The following DDAH1 variants were observed in gnomAD, a reference collection of about 807,000 sequenced individuals.
DDAH1 encodes N(G),N(G)-dimethylarginine dimethylaminohydrolase 1.
A neutral mutation model predicts 28.8 loss-of-function variants in DDAH1; 19 were observed. That is an observed-to-expected ratio of 0.66 (90% CI 0.46 to 0.97). The LOEUF is 0.97. Among genes scored for constraint, DDAH1 ranks in the 50% least tolerant of loss-of-function variants. DDAH1 has a pLI of 0.00. For synonymous variants in DDAH1, 153 were observed against 154.4 expected, an observed-to-expected ratio of 0.99 and a Z score of 0.07; for missense variants, 326 against 375.9, an observed-to-expected ratio of 0.87 and a Z score of 1.10.
chr1:85,518,029 G>A (rs1039304957), intron 1 of DDAH1, among the ~76,000 whole-genome samples: 3 of 152,282 alleles, frequency 2.0e-5, no homozygotes, highest in South Asian at 2.1e-4. Flanking sequence ...TCTAGCCTCC[G>A]TTGAAGAAAT....
chr1:85,400,185 T>TCTC (rs142170615), intron 1 of DDAH1, among the ~76,000 whole-genome samples: 1 of 46,692 alleles, frequency 2.1e-5, no homozygotes, highest in Admixed American at 2.7e-4. Context: ...TTCTTTTTTT[T>TCTC]TTTTTTTTTT....
At chr1:85,367,624 G>T (rs1028611634) in intron 1 of DDAH1, among the ~76,000 whole-genome samples, 2 of 152,158 alleles carry the variant, frequency 1.3e-5, no homozygotes, top group Non-Finnish European at 2.9e-5. Flanking sequence ...TCTAAATCAG[G>T]CATGGCAGTT....
At chr1:85,516,159 G>T (rs1322412907) in intron 1 of DDAH1, among the ~76,000 whole-genome samples, 1 of 151,942 alleles carries the variant, frequency 6.6e-6, no homozygotes, top group Non-Finnish European at 1.5e-5. Context: ...ACATTCTGAG[G>T]TACTGGGGGT....
chr1:85,415,083 C>T (rs1397018871), intron 1 of DDAH1, among the ~76,000 whole-genome samples: 2 of 128,002 alleles, frequency 1.6e-5, no homozygotes, highest in Non-Finnish European at 1.6e-5. Context: ...GGTGCTATCT[C>T]GGCTCACTGC....
At chr1:85,383,476 T>C (rs549671627) in intron 1 of DDAH1, among the ~76,000 whole-genome samples, 123 of 152,334 alleles carry the variant, frequency 8.1e-4, no homozygotes, top group Non-Finnish European at 1.4e-3. Context: ...CTGGTGAAGA[T>C]GCTGTGAAAC....
intron 1 of DDAH1, among the ~76,000 whole-genome samples, chr1:85,497,281 A>T (rs1034321074): frequency 6.6e-6 from 1 of 152,202 alleles, no homozygotes; most frequent in Non-Finnish European, 1.5e-5. Context: ...AATGCAAAAA[A>T]TGGCTGTGAG....
At chr1:85,566,606 G>C (rs988126108) in intron 1 of DDAH1, among the ~76,000 whole-genome samples, 1 of 151,950 alleles carries the variant, frequency 6.6e-6, no homozygotes, top group Non-Finnish European at 1.5e-5. Flanking sequence ...ACACAAGTAG[G>C]TTAAAAGCAA....
chr1:85,500,320 A>G (rs495870), intron 1 of DDAH1, among the ~76,000 whole-genome samples: 149,799 of 150,972 alleles, frequency 0.99, 74,333 homozygotes, highest in Middle Eastern at 1. Flanking sequence ...ATTTTTTTAA[A>G]GGATCTTTAT....
chr1:85,336,815 A>G (rs985579407), intron 4 of DDAH1, among the ~76,000 whole-genome samples: 4 of 152,154 alleles, frequency 2.6e-5, no homozygotes, highest in African/African-American at 9.7e-5. Flanking sequence ...ATGGATCCAA[A>G]TAAGAGGAGG....
chr1:85,556,903 G>A (rs1451615023), intron 1 of DDAH1, among the ~76,000 whole-genome samples: 1 of 152,182 alleles, frequency 6.6e-6, no homozygotes, highest in Non-Finnish European at 1.5e-5. Context: ...GATTACCTGA[G>A]GTCAGGAGTT....
intron 1 of DDAH1, among the ~76,000 whole-genome samples, chr1:85,419,653 T>C (rs930516914): frequency 6.6e-6 from 1 of 152,048 alleles, no homozygotes; most frequent in African/African-American, 2.4e-5. Context: ...AGTTCCTATA[T>C]GGACCTGCAA....
In DDAH1 at chr1:85,515,446, AGG is replaced by A. The variant is rs1262786398; in HGVS notation, c.-122-19167_-122-19166del. Reference sequence around the variant, plus strand: ...AGAGAAAAATTCATAGGGCAGGGGTAGGGGATGAGAAGTCAGTTTTACATAGT... The same window carrying A: ...AGAGAAAAATTCATAGGGCAGGGGTAGGATGAGAAGTCAGTTTTACATAGT... On this transcript the variant is annotated intron_variant, in intron 1 of 6. Transcript: ENST00000426972. Among the ~76,000 whole-genome samples the A allele has an allele frequency of 1.7e-3, 240 of 142,568 alleles. 1 individual carries two copies. The highest frequency in any genetic ancestry group is 6.1e-3 in the African/African-American group (232 of 37,828). 93.5% of individuals were successfully genotyped at this position (142,568 alleles called of 152,430 possible). A position where few individuals can be genotyped will look rare whatever the true frequency, so the allele number is the denominator to read the frequency against.
chr1:85,491,043 A>ACTCTTTTTTTTTTTTTTTTTTTTTT lies in DDAH1; in HGVS notation c.-7+5122_-7+5123insAAAAAAAAAAAAAAAAAAAAAAGAG, dbSNP rs1557686884. 7.6e-5 allele frequency among the ~76,000 whole-genome samples: 6 copies of ACTCTTTTTTTTTTTTTTTTTTTTTT among 79,340 alleles called. 3 individuals carry two copies. Among genetic ancestry groups the ACTCTTTTTTTTTTTTTTTTTTTTTT allele is most frequent in the Non-Finnish European group, 1.4e-4 (6 of 42,166 alleles). The allele number at this position is 79,340 out of a possible 152,430, so 52.1% of individuals were successfully genotyped here. ...TCTTCTAATGACAACAGTAACATGT[A>ACTCTTTTTTTTTTTTTTTTTTTTTT]TTCTTTTTTTTTTTTTTTTTTTTGA... On this transcript the variant is annotated intron_variant, in intron 2 of 6. Transcript: ENST00000426972.
intron 1 of DDAH1, among the ~76,000 whole-genome samples, chr1:85,454,969 T>C (rs1654821783): frequency 6.6e-6 from 1 of 152,138 alleles, no homozygotes; most frequent in African/African-American, 2.4e-5. Context: ...ACTAGGGCCC[T>C]TCAACATCCC....
chr1:85,364,552 CTT>C (rs34633935), intron 1 of DDAH1, among the ~76,000 whole-genome samples: 10 of 147,758 alleles, frequency 6.8e-5, no homozygotes, highest in South Asian at 4.3e-4. Flanking sequence ...TGATTACTTT[CTT>C]TTTTTTTTTT....
chr1:85,335,546 G>A (rs1283414528), intron 4 of DDAH1, among the ~76,000 whole-genome samples: 1 of 151,784 alleles, frequency 6.6e-6, no homozygotes, highest in Non-Finnish European at 1.5e-5. Flanking sequence ...GATTTTTAAT[G>A]AAAAACAGTA....
At chr1:85,351,470 T>C (rs1227866878) in intron 3 of DDAH1, 36 bp downstream of exon 3, 1 of 1,522,766 alleles carries the variant, frequency 6.6e-7, no homozygotes, top group Non-Finnish European at 9.1e-7. Flanking sequence ...TATTAAGTAA[T>C]TGCTTTGTGC....
intron 1 of DDAH1, among the ~76,000 whole-genome samples, chr1:85,365,631 C>T (rs1650033513): frequency 6.6e-6 from 1 of 152,126 alleles, no homozygotes. Context: ...CAAACCAAGA[C>T]ATTATATACA....
At chr1:85,548,709 A>G (rs962321391) in intron 1 of DDAH1, among the ~76,000 whole-genome samples, 3 of 152,170 alleles carry the variant, frequency 2.0e-5, no homozygotes, top group African/African-American at 7.2e-5. Context: ...TGCATTTCCC[A>G]AAATGGATTC....
Sources: gnomAD v4.1 joint callset for allele counts (sites outside exome capture counted in the v4.1 genomes callset) on GRCh38, gnomAD v4.1.1 for gene constraint, MANE v1.5 for transcripts, NCBI Gene and HGNC (gene_info 2026-07-23, HGNC 2026-07-21) for gene names.